PDE1C: variants seen among roughly 807,000 people sequenced by gnomAD.
The protein encoded by PDE1C is dual specificity calcium/calmodulin-dependent 3',5'-cyclic nucleotide phosphodiesterase 1C.
PDE1C carries 62 observed loss-of-function variants against 93.1 expected under a neutral mutation model. The observed-to-expected ratio is 0.67, with a 90% CI of 0.54 to 0.82. The LOEUF is 0.82. Among genes scored for constraint, PDE1C ranks in the 40% least tolerant of loss-of-function variants. The pLI is 0.00. For synonymous variants in PDE1C, 325 were observed against 310.1 expected, an observed-to-expected ratio of 1.05 and a Z score of -0.50; for missense variants, 742 against 884.6, an observed-to-expected ratio of 0.84 and a Z score of 2.04.
At chr7:32,081,710 T>C (rs757892193) in intron 3 of PDE1C, among the ~76,000 whole-genome samples, 2 of 152,254 alleles carry the variant, frequency 1.3e-5, no homozygotes, top group Non-Finnish European at 2.9e-5. Context: ...GAGGAAATTT[T>C]AATGCATGAC....
intron 1 of PDE1C, among the ~76,000 whole-genome samples, chr7:32,419,054 A>G (rs1174295370): frequency 6.6e-6 from 1 of 152,240 alleles, no homozygotes; most frequent in Non-Finnish European, 1.5e-5. Context: ...AGAGGAAAAA[A>G]TGGCAACCTG....
intron 2 of PDE1C, among the ~76,000 whole-genome samples, chr7:32,183,589 G>C (rs1415346129): frequency 1.3e-4 from 20 of 152,134 alleles, no homozygotes; most frequent in Admixed American, 4.6e-4. Context: ...GGGAAAACGG[G>C]CTAGCCATAT....
chr7:31,993,567 G>C (rs1225638528), intron 2 of PDE1C, among the ~76,000 whole-genome samples: 1 of 152,150 alleles, frequency 6.6e-6, no homozygotes, highest in Non-Finnish European at 1.5e-5. Context: ...AAATATAAAA[G>C]TTATAGATAT....
chr7:32,404,150 GCTTC>G (rs1785006207), intron 1 of PDE1C, among the ~76,000 whole-genome samples: 1 of 152,108 alleles, frequency 6.6e-6, no homozygotes, highest in African/African-American at 2.4e-5. Context: ...AGCTCTCTGT[GCTTC>G]CCTTTTCTCG....
At chr7:31,725,605 A>G in the PDE1C span, among the ~76,000 whole-genome samples, 3 of 152,110 alleles carry the variant, frequency 2.0e-5, 1 homozygote, top group East Asian at 5.8e-4. Context: ...CTCATCAACA[A>G]TCTTTGAATG....
chr7:31,849,811 C>T (rs1793099420), intron 8 of PDE1C, among the ~76,000 whole-genome samples: 1 of 152,074 alleles, frequency 6.6e-6, no homozygotes, highest in South Asian at 2.1e-4. Flanking sequence ...TCCAGTTCCA[C>T]ATCATTGTCT....
At chr7:32,105,937 T>A (rs1310307146) in intron 3 of PDE1C, among the ~76,000 whole-genome samples, 3 of 152,040 alleles carry the variant, frequency 2.0e-5, no homozygotes, top group Admixed American at 2.0e-4. Flanking sequence ...AAGCCCACAA[T>A]CCATAAGAAC....
intron 2 of PDE1C, among the ~76,000 whole-genome samples, chr7:31,975,702 T>A (rs1261657122): frequency 1.3e-5 from 2 of 152,190 alleles, no homozygotes; most frequent in Non-Finnish European, 2.9e-5. Flanking sequence ...AGCACATAAT[T>A]TCCTCATCTG....
At chr7:31,885,606 G>A (rs1797769211) in intron 2 of PDE1C, among the ~76,000 whole-genome samples, 2 of 152,210 alleles carry the variant, frequency 1.3e-5, no homozygotes, top group Admixed American at 1.3e-4. Flanking sequence ...CAACATGTGG[G>A]ATGCACAAAG....
intron 2 of PDE1C, among the ~76,000 whole-genome samples, chr7:32,172,831 A>AG (rs1394917239): frequency 6.7e-6 from 1 of 150,342 alleles, no homozygotes; most frequent in East Asian, 2.0e-4. Flanking sequence ...TTTAAAAAAA[A>AG]AAAAAAAAAA....
At chr7:31,888,249 CAAAAAA>C (rs34112969) in intron 2 of PDE1C, among the ~76,000 whole-genome samples, 13 of 44,224 alleles carry the variant, frequency 2.9e-4, no homozygotes, top group African/African-American at 4.9e-4. Flanking sequence ...GACTCAGTCT[CAAAAAA>C]AAAAAAAAAA....
chr7:32,346,631 G>A (rs1653887), intron 1 of PDE1C, among the ~76,000 whole-genome samples: 121,838 of 152,224 alleles, frequency 0.8, 49,121 homozygotes, highest in Admixed American at 0.85. Context: ...AAAAAACTTT[G>A]TGCTTTGGTA....
chr7:31,757,700 G>T (rs938630796), intron 17 of PDE1C, among the ~76,000 whole-genome samples: 1 of 152,188 alleles, frequency 6.6e-6, no homozygotes, highest in Non-Finnish European at 1.5e-5. Context: ...CTGTTGGTGG[G>T]ACTGTAAACT....
At chr7:31,908,346 T>C (rs558121453) in intron 2 of PDE1C, among the ~76,000 whole-genome samples, 2 of 152,158 alleles carry the variant, frequency 1.3e-5, no homozygotes, top group Non-Finnish European at 2.9e-5. Context: ...ATGCCAAGTT[T>C]TGAAGGTGGT....
intron 1 of PDE1C, among the ~76,000 whole-genome samples, chr7:32,421,774 A>T (rs1167424931): frequency 6.6e-6 from 1 of 152,206 alleles, no homozygotes. Context: ...CTACCTCAGA[A>T]AACTGTCGTG....
At chr7:32,106,294 T>G (rs1190397280) in intron 3 of PDE1C, among the ~76,000 whole-genome samples, 1 of 152,174 alleles carries the variant, frequency 6.6e-6, no homozygotes, top group Non-Finnish European at 1.5e-5. Context: ...CAATACTGCC[T>G]CAGCCTCCTA....
intron 3 of PDE1C, among the ~76,000 whole-genome samples, chr7:32,109,187 G>A (rs1242111882): frequency 6.6e-6 from 1 of 152,044 alleles, no homozygotes; most frequent in Non-Finnish European, 1.5e-5. Context: ...CCCTCATAGT[G>A]TTGTTATGAT....
chr7:32,410,519 C>A (rs774182117), intron 1 of PDE1C, among the ~76,000 whole-genome samples: 1 of 152,098 alleles, frequency 6.6e-6, no homozygotes, highest in Non-Finnish European at 1.5e-5. Context: ...GCGGTACTGG[C>A]ATGGAACAGA....
chr7:32,313,992 A>G (rs1278919368), intron 1 of PDE1C, among the ~76,000 whole-genome samples: 2 of 152,052 alleles, frequency 1.3e-5, no homozygotes, highest in African/African-American at 2.4e-5. Context: ...TTGTATCCTC[A>G]GTGTTTTTGT....
Sources: gnomAD v4.1 joint callset for allele counts (sites outside exome capture counted in the v4.1 genomes callset) on GRCh38, gnomAD v4.1.1 for gene constraint, MANE v1.5 for transcripts, NCBI Gene and HGNC (gene_info 2026-07-23, HGNC 2026-07-21) for gene names.